The following PRKCA variants were observed in gnomAD, a reference collection of about 807,000 sequenced individuals.
PRKCA encodes the protein protein kinase C alpha, also known as protein kinase C alpha type.
Under a neutral mutation model 87.0 loss-of-function variants are expected in PRKCA, and 27 were observed. The observed-to-expected ratio is 0.31, with a 90% CI of 0.23 to 0.43. PRKCA has a LOEUF of 0.43. Ranked by LOEUF, PRKCA falls within the 20% of genes least tolerant of loss-of-function variation. The probability of loss-of-function intolerance (pLI) is 1.00; values close to 1 mark genes in which losing one functional copy is unlikely to be tolerated. For synonymous variants in PRKCA, 329 were observed against 311.1 expected, an observed-to-expected ratio of 1.06 and a Z score of -0.61; for missense variants, 518 against 852.3, an observed-to-expected ratio of 0.61 and a Z score of 4.88.
intron 5 of PRKCA, chr17:66,677,540 T>G (rs1259039455): frequency 6.6e-6 from 1 of 152,260 alleles, no homozygotes; most frequent in African/African-American, 2.4e-5. Flanking sequence ...TAGAAAAGGT[T>G]TGCTATCTCC....
chr17:66,326,998 G>C (rs1447998666), intron 2 of PRKCA, among the ~76,000 whole-genome samples: 1 of 152,114 alleles, frequency 6.6e-6, no homozygotes. Flanking sequence ...GAGCCCTGGA[G>C]TTGAAGGCTA....
intron 2 of PRKCA, among the ~76,000 whole-genome samples, chr17:66,435,059 G>T (rs190810136): frequency 3.1e-4 from 47 of 152,216 alleles, no homozygotes; most frequent in Non-Finnish European, 5.9e-4. Flanking sequence ...GTATTCTTGG[G>T]AGTAACCTTT....
chr17:66,713,687 C>T (rs935780104), intron 8 of PRKCA, among the ~76,000 whole-genome samples: 6 of 152,180 alleles, frequency 3.9e-5, no homozygotes, highest in African/African-American at 9.7e-5. Flanking sequence ...AGCGTGCCAC[C>T]GCTCGCTCAC....
chr17:66,693,289 T>C (rs1972829664), intron 8 of PRKCA, among the ~76,000 whole-genome samples: 1 of 151,814 alleles, frequency 6.6e-6, no homozygotes, highest in African/African-American at 2.4e-5. Flanking sequence ...GCGATACTCA[T>C]GGACAGTGTG....
In PRKCA at chr17:66,803,837, G is replaced by C. The variant is rs761012126; in HGVS notation, c.1855-36G>C. 1 of 1,607,574 alleles carries C rather than the reference G, an allele frequency of 6.2e-7. No individual in the cohort carries two copies. The highest frequency in any genetic ancestry group is 1.1e-5 in the South Asian group (1 of 90,568). On this transcript the variant is annotated intron_variant, in intron 16 of 16. Transcript: ENST00000413366. The surrounding 1 kb of genome is among the most constrained non-coding windows in gnomAD (Gnocchi z 4.4). ...AGAGCTGCTCCCGCATTGTCATGTTGACTGACCTTTCCTTCTTTTTGTCTT... is the reference window on the plus strand; with the variant it reads ...AGAGCTGCTCCCGCATTGTCATGTTCACTGACCTTTCCTTCTTTTTGTCTT...
At chr17:66,567,455 C>T (rs1311145709) in intron 3 of PRKCA, among the ~76,000 whole-genome samples, 1 of 152,154 alleles carries the variant, frequency 6.6e-6, no homozygotes, top group Non-Finnish European at 1.5e-5. Flanking sequence ...GGCCCTTAAG[C>T]AGGAGATCCT....
In PRKCA at chr17:66,648,873, G is replaced by A. The variant is rs896022888; in HGVS notation, c.529+3362G>A. Among the ~76,000 whole-genome samples the A allele has an allele frequency of 1.4e-4, 22 of 151,974 alleles. 1 individual carries two copies. The highest frequency in any genetic ancestry group is 4.2e-4 in the South Asian group (2 of 4,812). ...TTTGGGAGGCCGAGGCGGGTGGATC[G>A]CTTGAGGTCAGGAGCTTGAGACCAG... On this transcript the variant is annotated intron_variant, in intron 5 of 16. Coordinates refer to ENST00000413366, the MANE Select transcript of PRKCA (RefSeq NM_002737.3).
intron 3 of PRKCA, among the ~76,000 whole-genome samples, chr17:66,497,482 G>A (rs1220656776): frequency 4.0e-5 from 6 of 149,544 alleles, no homozygotes; most frequent in East Asian, 3.9e-4. Flanking sequence ...GGCAACAAGA[G>A]CAAAACTCCG....
At chr17:66,437,731 T>TTTTTTTTTTTTTTTTGGG (rs55779501) in intron 2 of PRKCA, among the ~76,000 whole-genome samples, 2 of 11,142 alleles carry the variant, frequency 1.8e-4, no homozygotes, top group African/African-American at 3.9e-4. Context: ...TTTTTTTTTT[T>TTTTTTTTTTTTTTTTGGG]GAGCGGGGGG....
chr17:66,436,843 G>T (rs995494073), intron 2 of PRKCA, among the ~76,000 whole-genome samples: 3 of 152,124 alleles, frequency 2.0e-5, no homozygotes, highest in South Asian at 2.1e-4. Flanking sequence ...CGAGGAAGGA[G>T]AATTTTTTTT....
At chr17:66,636,323 A>G (rs963994858) in intron 3 of PRKCA, among the ~76,000 whole-genome samples, 1 of 152,252 alleles carries the variant, frequency 6.6e-6, no homozygotes, top group African/African-American at 2.4e-5. Context: ...ATGCTCCTGC[A>G]TCCCATTGCT....
At chr17:66,503,459 A>G (rs1204495553) in intron 3 of PRKCA, among the ~76,000 whole-genome samples, 2 of 152,166 alleles carry the variant, frequency 1.3e-5, no homozygotes, top group African/African-American at 2.4e-5. Flanking sequence ...AAAGATAGGG[A>G]GGCTTGCTTC....
At chr17:66,362,749 C>T (rs1403465353) in intron 2 of PRKCA, among the ~76,000 whole-genome samples, 1 of 151,404 alleles carries the variant, frequency 6.6e-6, no homozygotes, top group African/African-American at 2.4e-5. Context: ...GGCTGGAGTG[C>T]AGTCGTGCGA....
chr17:66,321,448 G>C (rs1428779009), intron 2 of PRKCA, among the ~76,000 whole-genome samples: 1 of 152,224 alleles, frequency 6.6e-6, no homozygotes, highest in African/African-American at 2.4e-5. Context: ...GCCAAGGACA[G>C]TTTCCATGTC....
At chr17:66,611,565 A>ATT (rs1454943199) in intron 3 of PRKCA, among the ~76,000 whole-genome samples, 1 of 152,152 alleles carries the variant, frequency 6.6e-6, no homozygotes, top group Non-Finnish European at 1.5e-5. Context: ...GGTGTACCAC[A>ATT]TTTTGGTTAT....
chr17:66,700,367 A>G (rs9896191), intron 8 of PRKCA, among the ~76,000 whole-genome samples: 32,760 of 152,162 alleles, frequency 0.22, 3,867 homozygotes, highest in African/African-American at 0.32. Context: ...GTAAAAAGCT[A>G]TAAGTTCTTT....
chr17:66,641,015 C>T (rs1752009365), intron 3 of PRKCA: 1 of 301,520 alleles, frequency 3.3e-6, no homozygotes, highest in Admixed American at 4.7e-5. Flanking sequence ...ACAAAAATAC[C>T]CACATCGTGG....
At chr17:66,527,115 G>A (rs1477577237) in intron 3 of PRKCA, among the ~76,000 whole-genome samples, 2 of 152,056 alleles carry the variant, frequency 1.3e-5, no homozygotes, top group South Asian at 2.1e-4. Context: ...ATTGACTACC[G>A]GGTTCTTTGC....
At chr17:66,327,083 A>G (rs2143253717) in intron 2 of PRKCA, among the ~76,000 whole-genome samples, 1 of 151,796 alleles carries the variant, frequency 6.6e-6, no homozygotes, top group East Asian at 1.9e-4. Flanking sequence ...TAATAATTAA[A>G]TAATAGGCCA....
Sources: gnomAD v4.1 joint callset for allele counts (sites outside exome capture counted in the v4.1 genomes callset) on GRCh38, gnomAD v4.1.1 for gene constraint, Gnocchi (gnomAD v3.1) non-coding constraint, MANE v1.5 for transcripts, NCBI Gene and HGNC (gene_info 2026-07-23, HGNC 2026-07-21) for gene names.